The following GALNT10 variants were observed in gnomAD, a reference collection of about 807,000 sequenced individuals.
GALNT10 encodes the protein polypeptide N-acetylgalactosaminyltransferase 10.
GALNT10 carries 41 observed loss-of-function variants against 75.0 expected under a neutral mutation model. The ratio of observed to expected loss-of-function variants is 0.55; its 90% confidence interval spans 0.43 to 0.71. The LOEUF (loss-of-function observed/expected upper bound fraction) is 0.71, where lower values mean the gene tolerates loss of function less well. Ranked by LOEUF, GALNT10 falls within the 30% of genes least tolerant of loss-of-function variation. The pLI is 0.00. For synonymous variants in GALNT10, 302 were observed against 313.0 expected, an observed-to-expected ratio of 0.96 and a Z score of 0.37; for missense variants, 727 against 818.5, an observed-to-expected ratio of 0.89 and a Z score of 1.36.
Position 154,417,224 on chromosome 5 carries a change from A to G in GALNT10, c.*252A>G. 2.2e-6 allele frequency: 1 copy of G among 464,158 alleles called. No homozygotes were observed. 28.8% of individuals were successfully genotyped at this position (464,158 alleles called of 1,614,324 possible). A position where few individuals can be genotyped will look rare whatever the true frequency, so the allele number is the denominator to read the frequency against. On this transcript the variant is annotated 3_prime_UTR_variant, in exon 12 of 12. Transcript: ENST00000297107. Reference sequence around the variant, plus strand: ...AGAGACTGCTTTAATCCCTGCTGACATCACGGAAAAGCAACAGAGCCTTTT... The same window carrying G: ...AGAGACTGCTTTAATCCCTGCTGACGTCACGGAAAAGCAACAGAGCCTTTT...
At chr5:154,407,806 C>T (rs996734199) in intron 8 of GALNT10, among the ~76,000 whole-genome samples, 1 of 152,278 alleles carries the variant, frequency 6.6e-6, no homozygotes, top group African/African-American at 2.4e-5. Context: ...TGTTTTCTAA[C>T]CCACTGTGGA....
chr5:154,302,182 TTA>T (rs1289839958), intron 3 of GALNT10, among the ~76,000 whole-genome samples: 1 of 152,260 alleles, frequency 6.6e-6, no homozygotes, highest in Non-Finnish European at 1.5e-5. Flanking sequence ...GAGCTGAGGT[TTA>T]TGTTTGCCTT....
chr5:154,406,503 A>G (rs1353335965), intron 8 of GALNT10, among the ~76,000 whole-genome samples: 1 of 152,158 alleles, frequency 6.6e-6, no homozygotes, highest in Non-Finnish European at 1.5e-5. Context: ...CATTTAAAAT[A>G]TTTGTTCAGT....
At chr5:154,254,069 G>GT (rs534433637) in intron 1 of GALNT10, among the ~76,000 whole-genome samples, 213 of 152,190 alleles carry the variant, frequency 1.4e-3, no homozygotes, top group African/African-American at 4.9e-3. Flanking sequence ...AATGTTGGCT[G>GT]TTTTTTTGTT....
chr5:154,282,955 T>C (rs1250837594), intron 1 of GALNT10, among the ~76,000 whole-genome samples: 1 of 152,160 alleles, frequency 6.6e-6, no homozygotes, highest in African/African-American at 2.4e-5. Context: ...GAGGATGCTG[T>C]AAGGTCCCAT....
At chr5:154,386,906 T>TA (rs1249839998) in intron 7 of GALNT10, 4 of 182,524 alleles carry the variant, frequency 2.2e-5, no homozygotes, top group Non-Finnish European at 4.5e-5. Flanking sequence ...GTTGTAAAGT[T>TA]ACAAAGGCCT....
At chr5:154,270,962 C>G (rs1319708966) in intron 1 of GALNT10, among the ~76,000 whole-genome samples, 1 of 143,994 alleles carries the variant, frequency 6.9e-6, no homozygotes, top group Non-Finnish European at 1.5e-5. Flanking sequence ...TCACTGCACT[C>G]CAGCCAGGGT....
intron 1 of GALNT10, among the ~76,000 whole-genome samples, chr5:154,227,981 G>A (rs1753089837): frequency 6.6e-6 from 1 of 152,112 alleles, no homozygotes; most frequent in Non-Finnish European, 1.5e-5. Flanking sequence ...TCATGATAGT[G>A]AGTTCTTGCA....
chr5:154,392,595 T>G (rs544240864), intron 7 of GALNT10: 1 of 152,266 alleles, frequency 6.6e-6, no homozygotes, highest in Admixed American at 6.5e-5. Context: ...TGAGATGCTG[T>G]GTGGACAGCC....
intron 7 of GALNT10, among the ~76,000 whole-genome samples, chr5:154,397,248 GGTTGTCCTTT>G (rs1218404598): frequency 6.6e-6 from 1 of 151,226 alleles, no homozygotes; most frequent in Non-Finnish European, 1.5e-5. Flanking sequence ...GCATGACTGA[GGTTGTCCTTT>G]CATGGTGGTG....
chr5:154,285,993 C>A (rs1344613487), intron 1 of GALNT10, among the ~76,000 whole-genome samples: 4 of 152,192 alleles, frequency 2.6e-5, no homozygotes, highest in Non-Finnish European at 5.9e-5. Flanking sequence ...ACTCCTCTTT[C>A]TACTGAGTTA....
chr5:154,252,312 T>C (rs1413590986), intron 1 of GALNT10, among the ~76,000 whole-genome samples: 1 of 152,140 alleles, frequency 6.6e-6, no homozygotes, highest in African/African-American at 2.4e-5. Context: ...TTGATGTTTC[T>C]CCAATCAGTT....
Position 154,329,635 on chromosome 5 carries a change from C to G in GALNT10, c.465C>G (p.Asn155Lys). 6.2e-7 allele frequency: 1 copy of G among 1,613,364 alleles called. No individual in the cohort carries two copies. The highest frequency in any genetic ancestry group is 8.5e-7 in the Non-Finnish European group (1 of 1,179,298). The change falls in exon 4 of 12, where the codon AAC (asparagine) becomes AAG (lysine). Residue 155 changes from asparagine (N) to lysine (K), a missense_variant. By Grantham distance (94) the Asn-to-Lys change is moderately conservative (BLOSUM62 0). Coordinates refer to ENST00000297107, the MANE Select transcript of GALNT10 (RefSeq NM_198321.4). ...PNTSIIIPFHNEGWSSLLRTV... is the reference protein window; with the variant it reads ...PNTSIIIPFHKEGWSSLLRTV... ...CAAGCATCATCATCCCCTTCCACAA[C>G]GAGGGCTGGTCCTCCCTCCTCCGCA...
chr5:154,416,096 T>G lies in GALNT10; in HGVS notation c.1653+164T>G, dbSNP rs1009885849. 1.3e-5 allele frequency among the ~76,000 whole-genome samples: 2 copies of G among 152,166 alleles called. No individual in the cohort carries two copies. The highest frequency in any genetic ancestry group is 1.3e-4 in the Admixed American group (2 of 15,280). On this transcript the variant is annotated intron_variant, in intron 11 of 11. Coordinates refer to ENST00000297107, the MANE Select transcript of GALNT10 (RefSeq NM_198321.4). This position sits in a 1 kb window ranked among gnomAD's most constrained non-coding sequence, Gnocchi z 4.5. Reference sequence around the variant, plus strand: ...TTCAAGAGTAGTCAGAAATCTAGACTTCACTGTGAAATCCTCAAGTCTTAA... The same window carrying G: ...TTCAAGAGTAGTCAGAAATCTAGACGTCACTGTGAAATCCTCAAGTCTTAA...
chr5:154,399,866 G>A (rs1420021245), intron 7 of GALNT10, among the ~76,000 whole-genome samples: 1 of 152,172 alleles, frequency 6.6e-6, no homozygotes, highest in Non-Finnish European at 1.5e-5. Flanking sequence ...AGAAAGGCTG[G>A]GTGCAATGGC....
At chr5:154,337,400 A>C in intron 4 of GALNT10, 1 of 592,372 alleles carries the variant, frequency 1.7e-6, no homozygotes, top group Non-Finnish European at 3.1e-6. Context: ...AATCTGATAT[A>C]ACCTGTAGCT....
At chr5:154,313,419 A>T (rs1754554224) in intron 3 of GALNT10, among the ~76,000 whole-genome samples, 2 of 152,230 alleles carry the variant, frequency 1.3e-5, no homozygotes, top group South Asian at 4.1e-4. Flanking sequence ...ACAAACCAAG[A>T]TCCTTTAAAC....
rs748909453 is a variant in GALNT10 at position 154,190,985 on chromosome 5, C to A, written c.119C>A (p.Pro40His). 4.7e-6 allele frequency: 7 copies of A among 1,501,898 alleles called. No homozygotes were observed. In the South Asian group the frequency reaches 8.6e-5, roughly 19 times the overall value. 93.0% of individuals were successfully genotyped at this position (1,501,898 alleles called of 1,614,324 possible). The change falls in exon 1 of 12, where the codon CCT becomes CAT. Residue 40 changes from proline (P) to histidine (H), a missense_variant. By Grantham distance (77) the Pro-to-His change is moderately conservative (BLOSUM62 -2). Coordinates refer to ENST00000297107, the MANE Select transcript of GALNT10 (RefSeq NM_198321.4). ...CGCGAGCGGCAGCCCGACGGCACCCCTGGGGGATCGGGGGCGGCGGTGGCG... is the reference window on the plus strand; with the variant it reads ...CGCGAGCGGCAGCCCGACGGCACCCATGGGGGATCGGGGGCGGCGGTGGCG... Reference protein sequence around the residue: ...LYRERQPDGTPGGSGAAVAPA... With the variant: ...LYRERQPDGTHGGSGAAVAPA...
chr5:154,348,931 C>T (rs1369345894), intron 4 of GALNT10, among the ~76,000 whole-genome samples: 4 of 152,100 alleles, frequency 2.6e-5, no homozygotes, highest in South Asian at 2.1e-4. Context: ...AAGGCTTGTA[C>T]GCTTTCTAAT....
Sources: allele counts gnomAD v4.1 joint callset (sites outside exome capture counted in the v4.1 genomes callset), GRCh38; gene constraint gnomAD v4.1.1; non-coding constraint Gnocchi (gnomAD v3.1); transcripts MANE v1.5; gene names NCBI Gene and HGNC (gene_info 2026-07-23, HGNC 2026-07-21).